HDAC4: variants seen among roughly 807,000 people sequenced by gnomAD.
HDAC4 encodes the protein histone deacetylase A.
A neutral mutation model predicts 135.1 loss-of-function variants in HDAC4; 16 were observed. That is an observed-to-expected ratio of 0.12 (90% CI 0.08 to 0.18). The LOEUF (loss-of-function observed/expected upper bound fraction) is 0.18, where lower values mean the gene tolerates loss of function less well. Among genes scored for constraint, HDAC4 ranks in the 10% least tolerant of loss-of-function variants. The pLI is 1.00. For synonymous variants in HDAC4, 685 were observed against 653.4 expected, an observed-to-expected ratio of 1.05 and a Z score of -0.74; for missense variants, 1,143 against 1,511.8, an observed-to-expected ratio of 0.76 and a Z score of 4.05.
chr2:239,118,469 G>A (rs1035972984), intron 12 of HDAC4, among the ~76,000 whole-genome samples: 2 of 152,204 alleles, frequency 1.3e-5, no homozygotes, highest in Non-Finnish European at 2.9e-5. Context: ...AACTCGCAGG[G>A]AGGAGAGTGC....
In HDAC4 at chr2:239,139,103, C is replaced by T. The variant is rs1285987892; in HGVS notation, c.978+581G>A. ...GTGCTGAGCTCTGCGGTCTGAGATG[C>T]CTGGTTCCCGTGATGCCTGGAAAAG... On this transcript the variant is annotated intron_variant, in intron 9 of 26. Transcript: ENST00000543185. The surrounding 1 kb of genome is among the most constrained non-coding windows in gnomAD (Gnocchi z 5.3). Among the ~76,000 whole-genome samples the T allele has an allele frequency of 1.3e-5, 2 of 152,190 alleles. No homozygotes were observed. Among genetic ancestry groups the T allele is most frequent in the Admixed American group, 1.3e-4 (2 of 15,288 alleles).
chr2:239,326,900 A>C (rs578041654), intron 2 of HDAC4, among the ~76,000 whole-genome samples: 1 of 152,334 alleles, frequency 6.6e-6, no homozygotes, highest in African/African-American at 2.4e-5. Flanking sequence ...GCCACCCCCA[A>C]GCACACAGAG....
intron 22 of HDAC4, among the ~76,000 whole-genome samples, chr2:239,076,259 C>T (rs1438318235): frequency 2.0e-5 from 3 of 152,014 alleles, no homozygotes; most frequent in Non-Finnish European, 4.4e-5. Context: ...TGGACCGGGA[C>T]AGCAGGCAGG....
At chr2:239,304,677 G>A (rs2052471783) in intron 2 of HDAC4, among the ~76,000 whole-genome samples, 2 of 152,250 alleles carry the variant, frequency 1.3e-5, no homozygotes, top group South Asian at 2.1e-4. Context: ...CTCGGCTCCT[G>A]GGGTCAGGAG....
intron 2 of HDAC4, among the ~76,000 whole-genome samples, chr2:239,341,986 G>C (rs976328253): frequency 2.6e-5 from 4 of 152,186 alleles, no homozygotes; most frequent in Non-Finnish European, 5.9e-5. Context: ...TGAGGACACA[G>C]CAAGAAGGCA....
intron 2 of HDAC4, among the ~76,000 whole-genome samples, chr2:239,251,208 G>A (rs1402360822): frequency 2.6e-5 from 4 of 152,226 alleles, no homozygotes. Flanking sequence ...TATCTAAAAT[G>A]TTTTCAAACA....
intron 5 of HDAC4, among the ~76,000 whole-genome samples, chr2:239,165,577 T>C (rs1447353603): frequency 6.6e-6 from 1 of 152,196 alleles, no homozygotes; most frequent in Non-Finnish European, 1.5e-5. Flanking sequence ...ATGCCAGCCC[T>C]GGCCTGGTTC....
At chr2:239,324,046 G>C (rs1273160595) in intron 2 of HDAC4, among the ~76,000 whole-genome samples, 1 of 152,276 alleles carries the variant, frequency 6.6e-6, no homozygotes, top group South Asian at 2.1e-4. Flanking sequence ...ACTGACAAAG[G>C]CTGGTGTAAC....
intron 12 of HDAC4, among the ~76,000 whole-genome samples, chr2:239,121,758 G>A (rs1215306457): frequency 2.0e-5 from 3 of 152,204 alleles, no homozygotes; most frequent in Non-Finnish European, 2.9e-5. Context: ...CCTCTGTGAC[G>A]CAGGCCAGGC....
At chr2:239,269,019 G>A (rs1310260867) in intron 2 of HDAC4, among the ~76,000 whole-genome samples, 2 of 152,178 alleles carry the variant, frequency 1.3e-5, no homozygotes, top group African/African-American at 4.8e-5. Context: ...TTGATTCTAG[G>A]AGCTACCATT....
chr2:239,189,023 TG>T (rs1449546789), intron 4 of HDAC4, among the ~76,000 whole-genome samples: 1 of 152,254 alleles, frequency 6.6e-6, no homozygotes, highest in Admixed American at 6.5e-5. Flanking sequence ...AATACAAACT[TG>T]CTATTTTAAA....
chr2:239,156,321 G>C (rs900545001), intron 7 of HDAC4, among the ~76,000 whole-genome samples: 1 of 152,204 alleles, frequency 6.6e-6, no homozygotes, highest in African/African-American at 2.4e-5. Context: ...ACAGGAACTT[G>C]CTTCACCCTG....
chr2:239,149,566 C>T (rs563124056), intron 7 of HDAC4, among the ~76,000 whole-genome samples: 1 of 152,254 alleles, frequency 6.6e-6, no homozygotes, highest in African/African-American at 2.4e-5. Flanking sequence ...CTCCATTCAG[C>T]ACTGATGGAA....
intron 24 of HDAC4, among the ~76,000 whole-genome samples, chr2:239,061,541 G>A (rs1181515772): frequency 1.3e-5 from 2 of 152,014 alleles, no homozygotes; most frequent in Non-Finnish European, 2.9e-5. Context: ...TGTGTGGTGT[G>A]CATGAGCAAG....
intron 7 of HDAC4, among the ~76,000 whole-genome samples, chr2:239,154,230 G>A (rs575574497): frequency 4.0e-4 from 61 of 152,056 alleles, no homozygotes; most frequent in Non-Finnish European, 7.5e-4. Flanking sequence ...ACATGAGGCC[G>A]ACTTGCTGGG....
chr2:239,269,359 G>A lies in HDAC4; in HGVS notation c.23-32695C>T, dbSNP rs186317710. On this transcript the variant is annotated intron_variant, in intron 2 of 26. Coordinates refer to ENST00000543185, the MANE Select transcript of HDAC4 (RefSeq NM_001378414.1). Reference sequence around the variant, plus strand: ...CATACATTCACACATCTACATACACGTGCATGCATGCATGCACCTAGCAAA... The same window carrying A: ...CATACATTCACACATCTACATACACATGCATGCATGCATGCACCTAGCAAA... 2.4e-4 allele frequency among the ~76,000 whole-genome samples: 36 copies of A among 151,050 alleles called. No individual in the cohort carries two copies. The East Asian group carries it at 5.9e-3, about 25-fold the overall frequency.
intron 1 of HDAC4, among the ~76,000 whole-genome samples, chr2:239,355,803 C>T (rs911239143): frequency 6.6e-6 from 1 of 152,174 alleles, no homozygotes; most frequent in African/African-American, 2.4e-5. Flanking sequence ...GTTCTGTGTT[C>T]ACTTTAATAC....
chr2:239,078,959 C>T (rs1002853511), intron 22 of HDAC4, among the ~76,000 whole-genome samples: 1 of 152,226 alleles, frequency 6.6e-6, no homozygotes, highest in African/African-American at 2.4e-5. Context: ...GGGAATTTGG[C>T]CACAGTGGGC....
At position 239,165,796 on chromosome 2, in the gene HDAC4, TG is replaced by T. The variant is rs777452390; in HGVS notation, c.491-1874del. 2.5e-3 allele frequency among the ~76,000 whole-genome samples: 388 copies of T among 152,332 alleles called. 3 individuals are homozygous for T. Among genetic ancestry groups the T allele is most frequent in the Non-Finnish European group, 2.7e-3 (181 of 68,022 alleles). ...AATTTGGGTAAAATGTTCAAATGCTTGTTTTTATAAAGTCTATTTTAGTTTT... is the reference window on the plus strand; with the variant it reads ...AATTTGGGTAAAATGTTCAAATGCTTTTTTTATAAAGTCTATTTTAGTTTT... On this transcript the variant is annotated intron_variant, in intron 5 of 26. Coordinates refer to ENST00000543185, the MANE Select transcript of HDAC4 (RefSeq NM_001378414.1).
Sources: gnomAD v4.1 joint callset for allele counts (sites outside exome capture counted in the v4.1 genomes callset) on GRCh38, gnomAD v4.1.1 for gene constraint, Gnocchi (gnomAD v3.1) non-coding constraint, MANE v1.5 for transcripts, NCBI Gene and HGNC (gene_info 2026-07-23, HGNC 2026-07-21) for gene names.